Variants in ZSCAN29 observed in about 807,000 individuals in gnomAD.
ZSCAN29 encodes the protein zinc finger and SCAN domain containing 29, also known as zinc finger and SCAN domain-containing protein 29.
A neutral mutation model predicts 71.9 loss-of-function variants in ZSCAN29; 55 were observed. The observed-to-expected ratio is 0.76, with a 90% CI of 0.62 to 0.96. ZSCAN29 has a LOEUF of 0.96. ZSCAN29 is among the 40% of genes least tolerant of loss of function. The pLI is 0.00. For synonymous variants in ZSCAN29, 351 were observed against 371.6 expected (o/e 0.94, Z 0.64); for missense variants, 1,042 against 1,042.2 (o/e 1.00, Z 0.00).
intron 4 of ZSCAN29, among the ~76,000 whole-genome samples, chr15:43,365,015 GAAGAA>G (rs1196655716): frequency 1.3e-5 from 2 of 151,242 alleles, no homozygotes; most frequent in African/African-American, 4.9e-5. Flanking sequence ...AAAAGAGAAT[GAAGAA>G]AACAAGAAAA....
In ZSCAN29 at chr15:43,370,005, G is replaced by A; in HGVS notation, c.-92C>T. 1 of 1,282,662 alleles carries A rather than the reference G, an allele frequency of 7.8e-7. No individual in the cohort carries two copies. The highest frequency in any genetic ancestry group is 2.3e-5 in the Admixed American group (1 of 43,894). 79.5% of individuals were successfully genotyped at this position (1,282,662 alleles called of 1,614,324 possible). Reference sequence around the variant, plus strand: ...TGTCCTTGGAGAATCCCCTGCAGATGACTGTAAGAGGTGTTTCTTCCTAGG... The same window carrying A: ...TGTCCTTGGAGAATCCCCTGCAGATAACTGTAAGAGGTGTTTCTTCCTAGG... On this transcript the variant is annotated 5_prime_UTR_variant, in exon 2 of 6. Coordinates refer to ENST00000684362, the MANE Select transcript of ZSCAN29 (RefSeq NM_001372080.1).
At chr15:43,363,893 C>T (rs750555852) in intron 5 of ZSCAN29, 22 bp downstream of exon 5, 2 of 1,557,248 alleles carry the variant, frequency 1.3e-6, no homozygotes, top group Non-Finnish European at 1.7e-6. Context: ...TTATTTATAC[C>T]ATAATAGTGA....
intron 3 of ZSCAN29, 34 bp from the exon 4 acceptor site, chr15:43,366,842 G>A (rs779651510): frequency 6.4e-7 from 1 of 1,557,080 alleles, no homozygotes; most frequent in Non-Finnish European, 8.7e-7. Flanking sequence ...AGTTGTCATA[G>A]TTTGGACTGA....
At position 43,365,107 on chromosome 15, in the gene ZSCAN29, C is replaced by CA. The variant is rs561566926; in HGVS notation, c.1223-726dup. 2.2e-4 allele frequency among the ~76,000 whole-genome samples: 34 copies of CA among 152,116 alleles called. No homozygotes were observed. The South Asian group carries it at 2.9e-3, about 13-fold the overall frequency. On this transcript the variant is annotated intron_variant, in intron 4 of 5. Coordinates refer to ENST00000684362, the MANE Select transcript of ZSCAN29 (RefSeq NM_001372080.1). ...AACTAAAATAAGATCATGCATGTCACAAAAAACAGAAGGAAAAGACCACTG... is the reference window on the plus strand; with the variant it reads ...AACTAAAATAAGATCATGCATGTCACAAAAAAACAGAAGGAAAAGACCACTG...
chr15:43,366,899 G>A, intron 3 of ZSCAN29, 91 bp from the exon 4 acceptor site: 1 of 1,249,794 alleles, frequency 8.0e-7, no homozygotes, highest in Non-Finnish European at 1.1e-6. Context: ...TCATCCAAGA[G>A]GATTATAAAC....
chr15:43,360,636 C>CAAA lies in ZSCAN29; in HGVS notation c.*434_*436dup. 4 of 130,096 alleles carry CAAA rather than the reference C, an allele frequency of 3.1e-5. No homozygotes were observed. The highest frequency in any genetic ancestry group is 2.3e-4 in the East Asian group (1 of 4,404). The allele number at this position is 130,096 out of a possible 1,614,324, so 8.1% of individuals were successfully genotyped here. Reference sequence around the variant, plus strand: ...GGCAACAAGAGCAAAACTCCGTCTCCAAAAAAAAAAAAAAGAGCTAGACCC... The same window carrying CAAA: ...GGCAACAAGAGCAAAACTCCGTCTCCAAAAAAAAAAAAAAAAAGAGCTAGACCC... On this transcript the variant is annotated 3_prime_UTR_variant, in exon 6 of 6. Transcript: ENST00000684362.
intron 5 of ZSCAN29, 66 bp from the exon 6 acceptor site, chr15:43,362,007 A>G: frequency 1.3e-6 from 2 of 1,507,978 alleles, no homozygotes; most frequent in Non-Finnish European, 1.8e-6. Flanking sequence ...GGAATGTAAA[A>G]CTTGGGAAAA....
In ZSCAN29 at chr15:43,361,872, C is replaced by T; in HGVS notation, c.1760G>A (p.Arg587Lys). 6.2e-7 allele frequency: 1 copy of T among 1,614,156 alleles called. No homozygotes were observed. The highest frequency in any genetic ancestry group is 1.1e-5 in the South Asian group (1 of 91,082). The part of the protein sequence containing the change: ...RDISEEVQLH[R>K]TLLARSERKI... ...CCTTTCAGATCTTGCAAGTAATGTC[C>T]TATGCAGTTGTACTTCCTCAGAAAT... Residue 587 changes from arginine (R) to lysine (K), a missense_variant, in exon 6 of 6, where the codon AGG becomes AAG. Coordinates refer to ENST00000684362, the MANE Select transcript of ZSCAN29 (RefSeq NM_001372080.1).
At chr15:43,367,922 T>C (rs2044055206) in intron 3 of ZSCAN29, among the ~76,000 whole-genome samples, 1 of 152,086 alleles carries the variant, frequency 6.6e-6, no homozygotes, top group Non-Finnish European at 1.5e-5. Context: ...GAAAAAAGCA[T>C]ACAACATGGA....
In ZSCAN29 at chr15:43,366,607, T is replaced by C. The variant is rs561229494; in HGVS notation, c.725A>G (p.Lys242Arg). 6.2e-7 allele frequency: 1 copy of C among 1,614,242 alleles called. No individual in the cohort carries two copies. The highest frequency in any genetic ancestry group is 2.2e-5 in the East Asian group (1 of 44,890). The change falls in exon 4 of 6, where the codon AAG becomes AGG. Residue 242 changes from lysine (K) to arginine (R), a missense_variant. Transcript: ENST00000684362. ...EQDHWSFEDE[K>R]VAGVHWGYEE... is the part of the protein sequence containing the mutation. ...ATAGCCCCAGTGCACACCTGCCACC[T>C]TCTCATCTTCAAAGCTCCAGTGATC...
chr15:43,361,295 T>G lies in ZSCAN29; in HGVS notation c.2337A>C (p.Ala779=). The change falls in exon 6 of 6, where the codon GCA becomes GCC. Residue 779 remains alanine (A), a synonymous_variant. Transcript: ENST00000684362. ...TCTCTCCTGTGTGTATCCTCCGATG[T>G]GCACTAAAATGAGAACTGTTATTGA... The part of the protein sequence containing the change: ...KSFNNSSHFS[A]HRRIHTGERP... The G allele has an allele frequency of 6.2e-7, 1 of 1,614,182 alleles. No individual in the cohort carries two copies. Among genetic ancestry groups the G allele is most frequent in the Non-Finnish European group, 8.5e-7 (1 of 1,180,036 alleles).
Position 43,370,877 on chromosome 15 carries a change from C to CG in ZSCAN29, c.-433_-432insC, listed in dbSNP as rs1052217491. 2.2e-5 allele frequency: 4 copies of CG among 178,544 alleles called. No individual in the cohort carries two copies. The highest frequency in any genetic ancestry group is 9.6e-5 in the African/African-American group (4 of 41,712). The allele number at this position is 178,544 out of a possible 1,614,324, so 11.1% of individuals were successfully genotyped here. ...GGCTAAGGCGCCCTGAGGGCGCCCT[C>CG]CAGCCCACCCCTGGGAGCGTCTCCC... On this transcript the variant is annotated 5_prime_UTR_variant, in exon 1 of 6. Transcript: ENST00000684362.
intron 5 of ZSCAN29, among the ~76,000 whole-genome samples, chr15:43,362,242 A>C (rs1037201299): frequency 2.0e-5 from 3 of 152,206 alleles, no homozygotes; most frequent in Non-Finnish European, 4.4e-5. Context: ...TTTTAGATAA[A>C]ATAATTTCCA....
rs887653737 is a variant in ZSCAN29 at position 43,358,339 on chromosome 15, CATAG to C, written c.*2730_*2733del. On this transcript the variant is annotated 3_prime_UTR_variant, in exon 6 of 6. Coordinates refer to ENST00000684362, the MANE Select transcript of ZSCAN29 (RefSeq NM_001372080.1). ...CCAATGCTTTTCCCACGAGACTATACATAGATATACTAAAGACAATACTTTTTTT... is the reference window on the plus strand; with the variant it reads ...CCAATGCTTTTCCCACGAGACTATACATATACTAAAGACAATACTTTTTTT... The C allele has an allele frequency of 2.0e-5, 3 of 152,178 alleles. No individual in the cohort carries two copies. The highest frequency in any genetic ancestry group is 4.4e-5 in the Non-Finnish European group (3 of 68,000). 9.4% of individuals were successfully genotyped at this position (152,178 alleles called of 1,614,324 possible). A position where few individuals can be genotyped will look rare whatever the true frequency, so the allele number is the denominator to read the frequency against.
intron 3 of ZSCAN29, among the ~76,000 whole-genome samples, chr15:43,368,630 G>A (rs917864580): frequency 3.3e-5 from 5 of 150,702 alleles, no homozygotes; most frequent in African/African-American, 1.2e-4. Flanking sequence ...CAACCAAAAG[G>A]AAGATGTGCC....
At chr15:43,368,810 A>G in intron 3 of ZSCAN29, 113 bp downstream of exon 3, 2 of 985,960 alleles carry the variant, frequency 2.0e-6, no homozygotes, top group Non-Finnish European at 3.0e-6. Context: ...GTCAACAACC[A>G]CATATTCTGC....
Position 43,366,365 on chromosome 15 carries a change from AG to A in ZSCAN29, c.966del (p.Phe323SerfsTer8), listed in dbSNP as rs1566883579. 1.9e-6 allele frequency: 3 copies of A among 1,613,948 alleles called. No individual in the cohort carries two copies. Among genetic ancestry groups the A allele is most frequent in the Non-Finnish European group, 2.5e-6 (3 of 1,180,004 alleles). On this transcript the variant is annotated frameshift_variant, in exon 4 of 6. Transcript: ENST00000684362. LOFTEE classifies it high-confidence loss of function. ...VKSGHPPETCPFFEEMEALMS... is the reference protein window; with the variant it reads ...VKSGHPPETCXFFEEMEALMS... ...ATCAGGGCTTCCATCTCTTCAAAGA[AG>A]GGGCAGGTCTCAGGTGGGTGGCCGC...
At chr15:43,362,826 A>G (rs2043995468) in intron 5 of ZSCAN29, among the ~76,000 whole-genome samples, 2 of 152,200 alleles carry the variant, frequency 1.3e-5, no homozygotes, top group Admixed American at 1.3e-4. Context: ...TACCCCATGG[A>G]ATTGATATTC....
In ZSCAN29 at chr15:43,361,207, G is replaced by C; in HGVS notation, c.2425C>G (p.His809Asp). The change falls in exon 6 of 6, where the codon CAT becomes GAT. Residue 809 changes from histidine (H) to aspartate (D), a missense_variant. Physicochemically the swap from His to Asp is moderately conservative, Grantham distance 81 (BLOSUM62 -1). Transcript: ENST00000684362. ...FSKSSDLRAHHRTHTGEKPYG... is the reference protein window; with the variant it reads ...FSKSSDLRAHDRTHTGEKPYG... ...GGTTTCTCTCCTGTGTGGGTTCTAT[G>C]ATGTGCACGTAAGTCAGAACTCTTA... is the stretch of plus-strand genomic sequence containing the variant. 2 of 1,613,764 alleles carry C rather than the reference G, an allele frequency of 1.2e-6. No homozygotes were observed. Among genetic ancestry groups the C allele is most frequent in the Non-Finnish European group, 1.7e-6 (2 of 1,179,942 alleles).
Sources: gnomAD v4.1 joint callset for allele counts (sites outside exome capture counted in the v4.1 genomes callset) on GRCh38, gnomAD v4.1.1 for gene constraint, MANE v1.5 for transcripts, NCBI Gene and HGNC (gene_info 2026-07-23, HGNC 2026-07-21) for gene names.